Variants in SIK3 observed in about 807,000 individuals in gnomAD.
The protein encoded by SIK3 is serine/threonine-protein kinase SIK3.
A neutral mutation model predicts 144.2 loss-of-function variants in SIK3; 28 were observed. That is an observed-to-expected ratio of 0.19 (90% CI 0.14 to 0.27). The LOEUF is 0.27. Ranked by LOEUF, SIK3 falls within the 10% of genes least tolerant of loss-of-function variation. SIK3 has a pLI of 1.00. For synonymous variants in SIK3, 686 were observed against 676.3 expected, an observed-to-expected ratio of 1.01 and a Z score of -0.22; for missense variants, 1,319 against 1,776.0, an observed-to-expected ratio of 0.74 and a Z score of 4.62.
intron 4 of SIK3, among the ~76,000 whole-genome samples, chr11:116,916,538 T>G (rs1334197537): frequency 2.7e-5 from 4 of 147,970 alleles, no homozygotes; most frequent in African/African-American, 9.9e-5. Context: ...TGAGACAGAG[T>G]CTTGCTCTGT....
chr11:116,884,568 C>T (rs868058372), intron 6 of SIK3, among the ~76,000 whole-genome samples: 1 of 151,956 alleles, frequency 6.6e-6, no homozygotes, highest in African/African-American at 2.4e-5. Context: ...ACCGTGTTAG[C>T]CAGGATGGTC....
intron 15 of SIK3, among the ~76,000 whole-genome samples, chr11:116,865,601 T>A (rs1943592698): frequency 1.3e-5 from 2 of 152,320 alleles, no homozygotes; most frequent in Non-Finnish European, 2.9e-5. Flanking sequence ...TTAAAAAAAT[T>A]TTTTAGTTAC....
At chr11:116,933,828 G>C (rs147012919) in intron 3 of SIK3, among the ~76,000 whole-genome samples, 1 of 152,222 alleles carries the variant, frequency 6.6e-6, no homozygotes, top group East Asian at 1.9e-4. Flanking sequence ...AAAACCTCCG[G>C]ATGGGTTCCC....
In SIK3 at chr11:116,903,627, A is replaced by G. The variant is rs116693083; in HGVS notation, c.617-6310T>C. Among the ~76,000 whole-genome samples, 788 of 152,326 alleles carry G rather than the reference A, an allele frequency of 5.2e-3. 12 individuals are homozygous for G. Among genetic ancestry groups the G allele is most frequent in the African/African-American group, 0.018 (742 of 41,578 alleles). The stretch of plus-strand genomic sequence containing the variant: ...GATGGAGTCTTGCTCTGTTTCCCAG[A>G]TGGGAGTGCAGTGGCACAATCATAG... On this transcript the variant is annotated intron_variant, in intron 4 of 24. Coordinates refer to ENST00000445177, the MANE Select transcript of SIK3 (RefSeq NM_001366686.3).
chr11:116,881,458 A>G (rs1944544402), intron 6 of SIK3, among the ~76,000 whole-genome samples: 1 of 152,148 alleles, frequency 6.6e-6, no homozygotes, highest in Admixed American at 6.6e-5. Flanking sequence ...GTGGGGAGAG[A>G]GCTGCTGTAT....
chr11:117,051,640 G>A (rs1953249286), intron 1 of SIK3, among the ~76,000 whole-genome samples: 1 of 151,842 alleles, frequency 6.6e-6, no homozygotes, highest in South Asian at 2.1e-4. Flanking sequence ...GTGATTGTCT[G>A]CCTCAGCCTT....
chr11:116,870,514 CT>C (rs1410948608), intron 13 of SIK3, 113 bp from the exon 14 acceptor site: 1 of 1,382,454 alleles, frequency 7.2e-7, no homozygotes, highest in African/African-American at 1.4e-5. Flanking sequence ...ATTTACAGAA[CT>C]TTTCTAGACT....
At chr11:116,989,390 T>C (rs772279463) in intron 1 of SIK3, among the ~76,000 whole-genome samples, 6 of 152,170 alleles carry the variant, frequency 3.9e-5, no homozygotes, top group Admixed American at 6.5e-5. Context: ...CTGCACAACC[T>C]TGCAATTTAG....
At chr11:117,060,597 C>CA (rs367663538) in intron 1 of SIK3, among the ~76,000 whole-genome samples, 31,756 of 96,658 alleles carry the variant, frequency 0.33, 4,182 homozygotes, top group African/African-American at 0.43. Context: ...AACTCCATCT[C>CA]AAAAAAAAAA....
At chr11:116,969,969 T>G (rs182065547) in intron 1 of SIK3, among the ~76,000 whole-genome samples, 1 of 152,164 alleles carries the variant, frequency 6.6e-6, no homozygotes, top group Non-Finnish European at 1.5e-5. Flanking sequence ...TTTCATCTAT[T>G]ACATGACTTG....
chr11:116,945,840 A>C (rs1948563258), intron 3 of SIK3, among the ~76,000 whole-genome samples: 1 of 152,100 alleles, frequency 6.6e-6, no homozygotes, highest in Non-Finnish European at 1.5e-5. Flanking sequence ...TTATTTAGCT[A>C]TTCTTAATTG....
At chr11:116,881,058 A>T (rs1353085981) in intron 6 of SIK3, among the ~76,000 whole-genome samples, 2 of 152,184 alleles carry the variant, frequency 1.3e-5, no homozygotes, top group African/African-American at 4.8e-5. Flanking sequence ...TGGGAGGCGG[A>T]GCTTGCAGTG....
At position 117,072,584 on chromosome 11, in the gene SIK3, G is replaced by A. The variant is rs12278817; in HGVS notation, c.273+25559C>T. Among the ~76,000 whole-genome samples, 954 of 152,120 alleles carry A rather than the reference G, an allele frequency of 6.3e-3. 8 individuals carry two copies. Among genetic ancestry groups the A allele is most frequent in the African/African-American group, 0.019 (797 of 41,504 alleles). ...CTCCAGAGGCGAACCCATACCACTC[G>A]CTAATACATATGAAAGATTTTGTCC... On this transcript the variant is annotated intron_variant, in intron 1 of 24. Transcript: ENST00000445177.
At chr11:117,013,913 A>AGGGGGG (rs1565556671) in intron 1 of SIK3, among the ~76,000 whole-genome samples, 2 of 23,558 alleles carry the variant, frequency 8.5e-5, no homozygotes, top group Non-Finnish European at 1.3e-4. Flanking sequence ...GGGGGGGGGG[A>AGGGGGG]GGGTGTGTGT....
chr11:116,868,661 G>A (rs1665158149), intron 14 of SIK3: 1 of 153,068 alleles, frequency 6.5e-6, no homozygotes, highest in East Asian at 1.9e-4. Context: ...AATCATCAGA[G>A]AAGAAAAACT....
rs1197108753 is a variant in SIK3 at position 116,844,608 on chromosome 11, TTA to T, written c.*1033_*1034del. 3.6e-5 allele frequency: 2 copies of T among 55,890 alleles called. No homozygotes were observed. Among genetic ancestry groups the T allele is most frequent in the African/African-American group, 1.8e-4 (2 of 11,090 alleles). The allele number at this position is 55,890 out of a possible 1,614,324, so 3.5% of individuals were successfully genotyped here. On this transcript the variant is annotated 3_prime_UTR_variant, in exon 25 of 25. Coordinates refer to ENST00000445177, the MANE Select transcript of SIK3 (RefSeq NM_001366686.3). The stretch of plus-strand genomic sequence containing the variant: ...TATATATATATATTTTATATATATA[TTA>T]TATATATAATATATATATAATATAT...
intron 1 of SIK3, among the ~76,000 whole-genome samples, chr11:116,999,270 T>C (rs1462139491): frequency 6.6e-6 from 1 of 152,270 alleles, no homozygotes; most frequent in Non-Finnish European, 1.5e-5. Flanking sequence ...CTCTTCTTTA[T>C]GCTAAGTTGT....
intron 1 of SIK3, among the ~76,000 whole-genome samples, chr11:116,977,621 G>C (rs1949994898): frequency 6.6e-6 from 1 of 152,138 alleles, no homozygotes; most frequent in Non-Finnish European, 1.5e-5. Context: ...ATGCAGGCTA[G>C]GGCTAGGGGC....
chr11:117,019,247 T>C (rs1348365491), intron 1 of SIK3, among the ~76,000 whole-genome samples: 1 of 151,958 alleles, frequency 6.6e-6, no homozygotes, highest in African/African-American at 2.4e-5. Flanking sequence ...CTCGAACTCC[T>C]GAGCTCAGGC....
Sources: allele counts gnomAD v4.1 joint callset (sites outside exome capture counted in the v4.1 genomes callset), GRCh38; gene constraint gnomAD v4.1.1; transcripts MANE v1.5; gene names NCBI Gene and HGNC (gene_info 2026-07-23, HGNC 2026-07-21).